Variants in SAXO1 observed in about 807,000 individuals in gnomAD.
SAXO1 encodes the protein 4930500O09Rik.
Under a neutral mutation model 17.5 loss-of-function variants are expected in SAXO1, and 21 were observed. That is an observed-to-expected ratio of 1.20 (90% CI 0.85 to 1.72). The LOEUF (loss-of-function observed/expected upper bound fraction) is 1.72, where lower values mean the gene tolerates loss of function less well. SAXO1 is among the 40% of genes most tolerant of loss of function. SAXO1 has a pLI of 0.00. For missense variants in SAXO1, 843 were observed against 596.0 expected, an observed-to-expected ratio of 1.41 and a Z score of -4.32; for synonymous variants, 274 against 216.5, an observed-to-expected ratio of 1.27 and a Z score of -2.33.
chr9:19,024,044 C>CTTTTTT (rs1563988508), intron 1 of SAXO1, among the ~76,000 whole-genome samples: 3 of 83,154 alleles, frequency 3.6e-5, no homozygotes, highest in Non-Finnish European at 6.3e-5. Context: ...TTTTTTTTTG[C>CTTTTTT]GGGGGAAAAG....
intron 2 of SAXO1, among the ~76,000 whole-genome samples, chr9:18,943,376 G>T (rs1354952147): frequency 6.6e-6 from 1 of 152,200 alleles, no homozygotes; most frequent in Non-Finnish European, 1.5e-5. Context: ...CTTATGGAGG[G>T]AATGGACTGA....
intron 1 of SAXO1, among the ~76,000 whole-genome samples, chr9:19,007,775 A>C (rs191634620): frequency 5.7e-4 from 87 of 152,362 alleles, no homozygotes; most frequent in South Asian, 1.0e-3. Context: ...ATAGTTGAAA[A>C]ATTAACAGGG....
chr9:18,953,319 T>C (rs113521173), intron 1 of SAXO1, among the ~76,000 whole-genome samples: 1 of 152,194 alleles, frequency 6.6e-6, no homozygotes, highest in Non-Finnish European at 1.5e-5. Context: ...CCCCTTTCCA[T>C]ATTGTTACTT....
chr9:19,029,550 C>A (rs1027900883), intron 1 of SAXO1, among the ~76,000 whole-genome samples: 29 of 152,262 alleles, frequency 1.9e-4, no homozygotes, highest in African/African-American at 6.3e-4. Flanking sequence ...TCCATCCCAA[C>A]CGGTCACTGA....
chr9:19,038,689 T>A (rs1476112430), intron 1 of SAXO1, among the ~76,000 whole-genome samples: 1 of 151,598 alleles, frequency 6.6e-6, no homozygotes, highest in Admixed American at 6.6e-5. Context: ...TACACCAGCA[T>A]GGCACATGTA....
At position 18,928,301 on chromosome 9, in the gene SAXO1, A is replaced by G. The variant is rs368227331; in HGVS notation, c.1176T>C (p.His392=). The G allele has an allele frequency of 2.5e-6, 4 of 1,613,004 alleles. No individual in the cohort carries two copies. Among genetic ancestry groups the G allele is most frequent in the Non-Finnish European group, 3.4e-6 (4 of 1,179,358 alleles). Residue 392 remains histidine, a synonymous_variant, in exon 4 of 4, where the codon CAT becomes CAC. Transcript: ENST00000380534. The part of the protein sequence containing the change: ...LPINTKSCKP[H]WSGPRGNVPV... ...GGACATTTCCTCGAGGGCCAGACCA[A>G]TGAGGCTTACAGCTTTTGGTATTGA...
At chr9:18,997,047 T>A (rs1362809049) in intron 1 of SAXO1, among the ~76,000 whole-genome samples, 1 of 152,094 alleles carries the variant, frequency 6.6e-6, no homozygotes, top group Non-Finnish European at 1.5e-5. Context: ...ATGGGTGATT[T>A]CTGCATTTCC....
At chr9:19,040,933 T>A (rs1325926632) in intron 1 of SAXO1, among the ~76,000 whole-genome samples, 1 of 151,398 alleles carries the variant, frequency 6.6e-6, no homozygotes, top group Non-Finnish European at 1.5e-5. Flanking sequence ...CAATAAAGCA[T>A]TAAAAAAATC....
chr9:19,006,309 A>T (rs1834479400), intron 1 of SAXO1, among the ~76,000 whole-genome samples: 1 of 152,256 alleles, frequency 6.6e-6, no homozygotes, highest in Non-Finnish European at 1.5e-5. Context: ...ACTGAAACAG[A>T]TACCTGTAGA....
At chr9:19,008,782 G>A (rs1050953806) in intron 1 of SAXO1, among the ~76,000 whole-genome samples, 3 of 152,152 alleles carry the variant, frequency 2.0e-5, no homozygotes, top group African/African-American at 7.2e-5. Flanking sequence ...AGGAGAAGGA[G>A]GGGACCCCCA....
At chr9:18,983,099 G>A (rs75690735) in intron 1 of SAXO1, among the ~76,000 whole-genome samples, 4 of 152,124 alleles carry the variant, frequency 2.6e-5, no homozygotes, top group Admixed American at 1.3e-4. Flanking sequence ...AAAAAAAAAG[G>A]AGCAAAAATA....
At chr9:19,016,132 C>G (rs1834964123) in intron 1 of SAXO1, among the ~76,000 whole-genome samples, 1 of 152,106 alleles carries the variant, frequency 6.6e-6, no homozygotes, top group African/African-American at 2.4e-5. Flanking sequence ...GCCATTAATG[C>G]AAGGCTATAA....
intron 1 of SAXO1, among the ~76,000 whole-genome samples, chr9:18,964,844 T>A (rs6475286): frequency 3.9e-5 from 6 of 152,106 alleles, no homozygotes; most frequent in African/African-American, 1.5e-4. Context: ...TTAATTGTGA[T>A]GTTAGGGCAT....
At chr9:18,954,407 G>T (rs1391719194) in intron 1 of SAXO1, among the ~76,000 whole-genome samples, 1 of 151,860 alleles carries the variant, frequency 6.6e-6, no homozygotes, top group Non-Finnish European at 1.5e-5. Context: ...TGCCATCACA[G>T]CTCACTGCAG....
intron 1 of SAXO1, among the ~76,000 whole-genome samples, chr9:19,001,598 C>T (rs1396566645): frequency 6.0e-5 from 9 of 150,064 alleles, no homozygotes; most frequent in East Asian, 2.0e-4. Context: ...ACCCGGGAGG[C>T]GGAGCTTGCA....
At chr9:18,936,292 C>T (rs544009207) in intron 3 of SAXO1, among the ~76,000 whole-genome samples, 201 of 152,286 alleles carry the variant, frequency 1.3e-3, no homozygotes, top group African/African-American at 4.5e-3. Context: ...GCTCTATCAG[C>T]ATCTTGAAAG....
intron 1 of SAXO1, among the ~76,000 whole-genome samples, chr9:18,954,238 C>A (rs553400353): frequency 3.9e-5 from 6 of 152,112 alleles, no homozygotes; most frequent in Non-Finnish European, 8.8e-5. Context: ...GTAGTAGAGA[C>A]CTTATGATGG....
chr9:19,004,780 T>C (rs1483574858), intron 1 of SAXO1, among the ~76,000 whole-genome samples: 2 of 152,166 alleles, frequency 1.3e-5, no homozygotes, highest in Admixed American at 6.5e-5. Context: ...GATGAGTTGA[T>C]GGGTGCAGCA....
intron 3 of SAXO1, among the ~76,000 whole-genome samples, chr9:18,940,865 C>G (rs1463672051): frequency 6.6e-6 from 1 of 152,102 alleles, no homozygotes; most frequent in African/African-American, 2.4e-5. Flanking sequence ...TCAATAGATA[C>G]TCAATAAAGA....
Sources: allele counts gnomAD v4.1 joint callset (sites outside exome capture counted in the v4.1 genomes callset), GRCh38; gene constraint gnomAD v4.1.1; transcripts MANE v1.5; gene names NCBI Gene and HGNC (gene_info 2026-07-23, HGNC 2026-07-21).